The following TTN variants were observed in gnomAD, a reference collection of about 807,000 sequenced individuals.
The protein encoded by TTN is titin, also known as connectin.
A neutral mutation model predicts 3,223.0 loss-of-function variants in TTN; 1,525 were observed. That is an observed-to-expected ratio of 0.47 (90% CI 0.45 to 0.49). The LOEUF (loss-of-function observed/expected upper bound fraction) is 0.49, where lower values mean the gene tolerates loss of function less well. Among genes scored for constraint, TTN ranks in the 20% least tolerant of loss-of-function variants. TTN has a pLI of 0.00. For missense variants in TTN, 40,786 were observed against 43,424.0 expected (o/e 0.94, Z 5.40); for synonymous variants, 14,094 against 15,161.0 (o/e 0.93, Z 5.17).
intron 3 of TTN, 93 bp from the exon 4 acceptor site, chr2:178,800,775 G>C: frequency 5.7e-6 from 8 of 1,394,132 alleles, no homozygotes; most frequent in Non-Finnish European, 7.7e-6. Flanking sequence ...CCAAAACCAG[G>C]TGATGACTCG....
rs1412159396 is a variant in TTN, at chr2:178,751,429, T to C, written c.11311+1695A>G. The C allele has an allele frequency of 2.5e-6, 4 of 1,612,212 alleles. No individual in the cohort carries two copies. In the African/African-American group the frequency reaches 4.0e-5, roughly 16 times the overall value. On this transcript the variant is annotated intron_variant, in intron 47 of 362. Transcript: ENST00000589042. ...TGGCAGAACTCATTGTCTTAAAATG[T>C]ATAGTTCTCATCATTCCCTTTTGTT...
intron 43 of TTN, among the ~76,000 whole-genome samples, chr2:178,761,228 T>C (rs959108445): frequency 1.3e-5 from 2 of 152,126 alleles, no homozygotes; most frequent in Admixed American, 6.5e-5. Flanking sequence ...CTCTCTCCAG[T>C]TCCTGACTGC....
Position 178,624,743 on chromosome 2 carries a change from A to G in TTN, c.44549-12T>C. The G allele has an allele frequency of 6.2e-7, 1 of 1,611,120 alleles. No individual in the cohort carries two copies. Among genetic ancestry groups the G allele is most frequent in the South Asian group, 1.1e-5 (1 of 90,744 alleles). On this transcript the variant is annotated splice_polypyrimidine_tract_variant and intron_variant, in intron 241 of 362. Coordinates refer to ENST00000589042, the MANE Select transcript of TTN (RefSeq NM_001267550.2). ...TTCAACTGGGGGTTCTGAAAGAATC[A>G]TACTCATTAGCCAAGGTACTCCTTT...
At position 178,738,199 on chromosome 2, in the gene TTN, T is replaced by C. The variant is rs1383451111; in HGVS notation, c.14254A>G (p.Lys4752Glu). The change falls in exon 49 of 363, where the codon AAG becomes GAG. Residue 4752 changes from lysine to glutamate, a missense_variant. By Grantham distance (56) the Lys-to-Glu change is moderately conservative. Coordinates refer to ENST00000589042, the MANE Select transcript of TTN (RefSeq NM_001267550.2). Reference protein sequence around the residue: ...ESDKCSIRSSKYISSLEILRT... With the variant: ...ESDKCSIRSSEYISSLEILRT... ...AGGATTTCAAGGCTGGAGATATACT[T>C]TGAAGATCGAATAGAACACTTGTCA... is the stretch of plus-strand genomic sequence containing the variant. The C allele has an allele frequency of 3.1e-6, 5 of 1,613,732 alleles. No homozygotes were observed. The South Asian group carries it at 5.5e-5, about 18-fold the overall frequency.
At chr2:178,693,485 A>G in intron 119 of TTN, 124 bp downstream of exon 119, 3 of 628,614 alleles carry the variant, frequency 4.8e-6, no homozygotes, top group East Asian at 3.1e-5. Flanking sequence ...TCCTTTGTAC[A>G]TAGTGGCTAT....
At chr2:178,646,976 A>G (rs2062096509) in intron 215 of TTN, 88 bp downstream of exon 215, 1 of 439,406 alleles carries the variant, frequency 2.3e-6, no homozygotes, top group South Asian at 1.1e-4. Flanking sequence ...TAATTTCAAG[A>G]AGGAATATTG....
chr2:178,630,090 AT>A (rs2059613392), intron 239 of TTN, 150 bp downstream of exon 239: 8 of 1,125,432 alleles, frequency 7.1e-6, no homozygotes, highest in Non-Finnish European at 1.0e-5. Context: ...CCACTTCTGT[AT>A]TGGAATGTCA....
At position 178,725,661 on chromosome 2, in the gene TTN, A is replaced by G. The variant is rs1190852919; in HGVS notation, c.20555-12T>C. On this transcript the variant is annotated splice_polypyrimidine_tract_variant and intron_variant, in intron 70 of 362. Coordinates refer to ENST00000589042, the MANE Select transcript of TTN (RefSeq NM_001267550.2). ...AAATCTTGGTGGTTCTGAACAGGAA[A>G]AGATGGATGGAAATTGTTGAAAAGA... 6.4e-7 allele frequency: 1 copy of G among 1,560,842 alleles called. No homozygotes were observed. Among genetic ancestry groups the G allele is most frequent in the African/African-American group, 1.4e-5 (1 of 73,100 alleles).
intron 6 of TTN, 99 bp downstream of exon 6, chr2:178,799,388 C>T: frequency 6.3e-7 from 1 of 1,585,624 alleles, no homozygotes; most frequent in South Asian, 1.1e-5. Context: ...GAACCACTCT[C>T]CGCGTCGCAT....
chr2:178,538,274 G>C (rs758587891), intron 354 of TTN: 201 of 466,026 alleles, frequency 4.3e-4, no homozygotes, highest in Non-Finnish European at 6.7e-4. Flanking sequence ...AAATCTTGTT[G>C]GGAAATATTT....
At chr2:178,671,943 T>G in intron 155 of TTN, 28 bp downstream of exon 155, 1 of 1,575,518 alleles carries the variant, frequency 6.3e-7, no homozygotes, top group East Asian at 2.2e-5. Flanking sequence ...GATATAAGAA[T>G]TTGTAGTATT....
At chr2:178,793,695 G>C (rs560244436) in intron 8 of TTN, among the ~76,000 whole-genome samples, 154 bp from the exon 9 acceptor site, 8 of 152,268 alleles carry the variant, frequency 5.3e-5, no homozygotes, top group African/African-American at 1.9e-4. Flanking sequence ...AGCTACTCAC[G>C]AGACTGAGGC....
chr2:178,587,870 A>G, intron 305 of TTN, 29 bp downstream of exon 305: 1 of 1,569,902 alleles, frequency 6.4e-7, no homozygotes, highest in Non-Finnish European at 8.6e-7. Context: ...TTAAGTGTGA[A>G]TGAATCACAT....
At position 178,770,408 on chromosome 2, in the gene TTN, T is replaced by C. The variant is rs1321170134; in HGVS notation, c.8380+4A>G. On this transcript the variant is annotated splice_donor_region_variant and intron_variant, in intron 35 of 362. Transcript: ENST00000589042. ...GCTTGAAAAGTGTTTCTAAATCAAC[T>C]TACTCTCCACGTGCAGTCTGGCACT... The C allele has an allele frequency of 6.2e-7, 1 of 1,614,162 alleles. No homozygotes were observed. Among genetic ancestry groups the C allele is most frequent in the South Asian group, 1.1e-5 (1 of 91,082 alleles).
At chr2:178,622,459 G>A (rs923780369) in intron 243 of TTN, among the ~76,000 whole-genome samples, 4 of 151,894 alleles carry the variant, frequency 2.6e-5, no homozygotes, top group Non-Finnish European at 2.9e-5. Context: ...TCTCCTGATT[G>A]TGAGTCCAGT....
Position 178,616,979 on chromosome 2 carries a change from A to G in TTN, c.47910T>C (p.Asp15970=), listed in dbSNP as rs1255489248. ...EPTMDLSAFK[D]GLEVIVPNPI... ...GATTTGGGACAATAACTTCCAGACC[A>G]TCTTTAAATGCACTTAAATCCATTG... Residue 15970 remains aspartate (D), a synonymous_variant, in exon 256 of 363, where the codon GAT becomes GAC. Coordinates refer to ENST00000589042, the MANE Select transcript of TTN (RefSeq NM_001267550.2). The G allele has an allele frequency of 1.2e-6, 2 of 1,612,528 alleles. No homozygotes were observed. The highest frequency in any genetic ancestry group is 1.3e-5 in the African/African-American group (1 of 74,832).
chr2:178,620,536 T>C lies in TTN; in HGVS notation c.45985A>G (p.Asn15329Asp), dbSNP rs1417624685. ...TTTTTGGTCCACTTCAGTGTTACAT[T>C]GAGACGATTCACCTTGCACCAGAAT... ...VTFWCKVNRL[N>D]VTLKWTKNGE... The change falls in exon 248 of 363, where the codon AAT becomes GAT. Residue 15329 changes from asparagine (N) to aspartate (D), a missense_variant. Transcript: ENST00000589042. The C allele has an allele frequency of 6.2e-7, 1 of 1,612,262 alleles. No individual in the cohort carries two copies. The highest frequency in any genetic ancestry group is 1.7e-5 in the Admixed American group (1 of 59,858).
chr2:178,685,248 C>A lies in TTN; in HGVS notation c.32470+5G>T. The A allele has an allele frequency of 6.5e-7, 1 of 1,534,618 alleles. No individual in the cohort carries two copies. The highest frequency in any genetic ancestry group is 1.3e-5 in the South Asian group (1 of 79,370). On this transcript the variant is annotated splice_donor_5th_base_variant and intron_variant, in intron 129 of 362. Coordinates refer to ENST00000589042, the MANE Select transcript of TTN (RefSeq NM_001267550.2). ...AGTGTTGCATTTCTTTGAAAGAAAT[C>A]ATACCTTTAGCCGGTGGAGGCTCCT...
In TTN at chr2:178,775,166, T is replaced by A; in HGVS notation, c.6545A>T (p.Asp2182Val). Residue 2182 changes from aspartate (D) to valine (V), a missense_variant, in exon 29 of 363, where the codon GAT becomes GTT. By Grantham distance (152) the Asp-to-Val change is radical. Coordinates refer to ENST00000589042, the MANE Select transcript of TTN (RefSeq NM_001267550.2). The stretch of plus-strand genomic sequence containing the variant: ...AGTGTCTTTTTCCTTAGCAACAACA[T>A]CTTGTAATTCCTGTGTGAAAGTGAT... Reference protein sequence around the residue: ...QLITFTQELQDVVAKEKDTMA... With the variant: ...QLITFTQELQVVVAKEKDTMA... 6.2e-7 allele frequency: 1 copy of A among 1,613,968 alleles called. No homozygotes were observed. Among genetic ancestry groups the A allele is most frequent in the Non-Finnish European group, 8.5e-7 (1 of 1,179,966 alleles).
Sources: gnomAD v4.1 joint callset for allele counts (sites outside exome capture counted in the v4.1 genomes callset) on GRCh38, gnomAD v4.1.1 for gene constraint, MANE v1.5 for transcripts, NCBI Gene and HGNC (gene_info 2026-07-23, HGNC 2026-07-21) for gene names.